UGT1A8: variants seen among roughly 807,000 people sequenced by gnomAD.
UGT1A8 encodes the protein UDP-glucuronosyltransferase 1A8.
In UGT1A8, 39 loss-of-function variants were observed where a neutral mutation model predicts 45.3. That is an observed-to-expected ratio of 0.86 (90% confidence interval 0.67 to 1.12). The LOEUF (loss-of-function observed/expected upper bound fraction) is 1.12, where lower values mean the gene tolerates loss of function less well. Ranked by LOEUF, UGT1A8 falls within the 50% of genes most tolerant of loss-of-function variation. UGT1A8 has a pLI of 0.00. For synonymous variants in UGT1A8, 275 were observed against 249.2 expected, an observed-to-expected ratio of 1.10 and a Z score of -0.97; for missense variants, 719 against 664.9, an observed-to-expected ratio of 1.08 and a Z score of -0.90.
In UGT1A8 at chr2:233,754,557, G is replaced by A. The variant is rs1055714391; in HGVS notation, c.856-12477G>A. 5.9e-5 allele frequency: 23 copies of A among 390,464 alleles called. No individual in the cohort carries two copies. The Admixed American group carries it at 7.3e-4, about 12-fold the overall frequency. The allele number at this position is 390,464 out of a possible 1,614,324, so 24.2% of individuals were successfully genotyped here. A position where few individuals can be genotyped will look rare whatever the true frequency, so the allele number is the denominator to read the frequency against. On this transcript the variant is annotated intron_variant, in intron 1 of 4. Coordinates refer to ENST00000373450, the MANE Select transcript of UGT1A8 (RefSeq NM_019076.5). ...TGGACTGGAATTACTTGGTGTCAAT[G>A]GGGAGCAACTGCTCTATGCCGTTTA...
At chr2:233,748,082 C>A (rs1013967791) in intron 1 of UGT1A8, 6 of 1,612,924 alleles carry the variant, frequency 3.7e-6, no homozygotes, top group Non-Finnish European at 5.1e-6. Context: ...TATCTCAGGT[C>A]GGTGTTCGTG....
intron 1 of UGT1A8, among the ~76,000 whole-genome samples, chr2:233,662,696 G>A (rs2074000360): frequency 6.6e-6 from 1 of 152,112 alleles, no homozygotes; most frequent in African/African-American, 2.4e-5. Context: ...CTTGGCATGT[G>A]TCTGATCTGA....
chr2:233,659,584 G>A (rs2073925759), intron 1 of UGT1A8, among the ~76,000 whole-genome samples: 1 of 152,160 alleles, frequency 6.6e-6, no homozygotes, highest in Non-Finnish European at 1.5e-5. Flanking sequence ...GGAGGGGTTG[G>A]TCTTGCTTTT....
chr2:233,655,593 G>A (rs1279383409), intron 1 of UGT1A8, among the ~76,000 whole-genome samples: 1 of 152,102 alleles, frequency 6.6e-6, no homozygotes, highest in African/African-American at 2.4e-5. Context: ...TAGAAAGAAG[G>A]GAAACTGTCT....
At chr2:233,748,975 A>G (rs527445283) in intron 1 of UGT1A8, among the ~76,000 whole-genome samples, 1 of 151,758 alleles carries the variant, frequency 6.6e-6, no homozygotes, top group African/African-American at 2.4e-5. Context: ...AGTGGGATCT[A>G]CTTCTTTACC....
chr2:233,643,481 A>AATGCTGT (rs2073514012), intron 1 of UGT1A8, among the ~76,000 whole-genome samples: 1 of 152,028 alleles, frequency 6.6e-6, no homozygotes, highest in South Asian at 2.1e-4. Flanking sequence ...GAGCTCCAGA[A>AATGCTGT]ATGCTGTCCG....
intron 1 of UGT1A8, among the ~76,000 whole-genome samples, chr2:233,709,365 T>C (rs1407856539): frequency 2.0e-5 from 3 of 152,214 alleles, no homozygotes; most frequent in Admixed American, 6.5e-5. Flanking sequence ...TAGATTTTTC[T>C]GTGTCCTAAT....
chr2:233,665,577 G>A (rs5008748), intron 1 of UGT1A8, among the ~76,000 whole-genome samples: 16 of 152,330 alleles, frequency 1.1e-4, no homozygotes, highest in Admixed American at 3.3e-4. Context: ...GAAAGGCAAG[G>A]TAGGGCAGGA....
intron 1 of UGT1A8, among the ~76,000 whole-genome samples, chr2:233,727,282 A>G (rs1252298751): frequency 6.6e-6 from 1 of 152,100 alleles, no homozygotes; most frequent in African/African-American, 2.4e-5. Flanking sequence ...CAGACCCTGG[A>G]AGCTGATGAC....
chr2:233,772,147 T>C, intron 4 of UGT1A8, 115 bp from the exon 5 acceptor site: 1 of 1,552,928 alleles, frequency 6.4e-7, no homozygotes, highest in East Asian at 2.4e-5. Flanking sequence ...TAGAAACAGG[T>C]TTCCTTTCCC....
rs777795406 is a variant in UGT1A8 at position 233,672,292 on chromosome 2, T to A, written c.855+53730T>A. On this transcript the variant is annotated intron_variant, in intron 1 of 4. Coordinates refer to ENST00000373450, the MANE Select transcript of UGT1A8 (RefSeq NM_019076.5). Reference sequence around the variant, plus strand: ...TTCATACAATGACATTTTTGACTTATTTTTTTCAAATTGCAGGAGTTTGTT... The same window carrying A: ...TTCATACAATGACATTTTTGACTTAATTTTTTCAAATTGCAGGAGTTTGTT... The A allele has an allele frequency of 8.1e-6, 13 of 1,613,840 alleles. No homozygotes were observed. The East Asian group carries it at 2.9e-4, about 36-fold the overall frequency.
At chr2:233,665,430 A>T (rs900844109) in intron 1 of UGT1A8, among the ~76,000 whole-genome samples, 7 of 152,168 alleles carry the variant, frequency 4.6e-5, no homozygotes, top group Non-Finnish European at 1.0e-4. Flanking sequence ...CTCTCATTGA[A>T]CCCTGACTGC....
chr2:233,629,866 T>G (rs928729978), intron 1 of UGT1A8, among the ~76,000 whole-genome samples: 3 of 152,120 alleles, frequency 2.0e-5, no homozygotes, highest in African/African-American at 7.2e-5. Flanking sequence ...GTTTGTGTCT[T>G]TAACAAAATG....
chr2:233,700,200 C>T (rs536446307), intron 1 of UGT1A8, among the ~76,000 whole-genome samples: 2 of 152,322 alleles, frequency 1.3e-5, no homozygotes, highest in Non-Finnish European at 2.9e-5. Context: ...CCTTTGTTGG[C>T]TGAGCTGTGG....
At chr2:233,771,833 T>G (rs1411315562) in intron 4 of UGT1A8, among the ~76,000 whole-genome samples, 1 of 137,650 alleles carries the variant, frequency 7.3e-6, no homozygotes, top group Non-Finnish European at 1.6e-5. Flanking sequence ...CCTTCCCTCC[T>G]TCTCTTCCTT....
chr2:233,630,954 T>G (rs1198562890), intron 1 of UGT1A8, among the ~76,000 whole-genome samples: 11 of 151,956 alleles, frequency 7.2e-5, no homozygotes. Flanking sequence ...TCATCTACAT[T>G]AGGTATTTCT....
rs749289002 is a variant in UGT1A8 at position 233,695,367 on chromosome 2, G to A, written c.856-71667G>A. On this transcript the variant is annotated intron_variant, in intron 1 of 4. Coordinates refer to ENST00000373450, the MANE Select transcript of UGT1A8 (RefSeq NM_019076.5). ...TCTCAATCTCTTGACCTCGTGGTCC[G>A]CCCACCCCAGCCTCCCAAAGTGCTG... Among the ~76,000 whole-genome samples the A allele has an allele frequency of 5.3e-5, 8 of 151,428 alleles. No individual in the cohort carries two copies. In the South Asian group the frequency reaches 1.2e-3, roughly 24 times the overall value.
intron 1 of UGT1A8, among the ~76,000 whole-genome samples, chr2:233,658,560 A>C (rs1219519443): frequency 6.6e-6 from 1 of 152,074 alleles, no homozygotes; most frequent in Non-Finnish European, 1.5e-5. Context: ...GATGACTTTG[A>C]CAGTTTTGAG....
intron 1 of UGT1A8, among the ~76,000 whole-genome samples, chr2:233,708,890 A>G (rs1437583883): frequency 1.3e-5 from 2 of 152,008 alleles, no homozygotes; most frequent in Non-Finnish European, 2.9e-5. Context: ...GAACAATCTC[A>G]GGGGCTATCT....
Sources: gnomAD v4.1 joint callset for allele counts (sites outside exome capture counted in the v4.1 genomes callset) on GRCh38, gnomAD v4.1.1 for gene constraint, MANE v1.5 for transcripts, NCBI Gene and HGNC (gene_info 2026-07-23, HGNC 2026-07-21) for gene names.